Variants in DENND4A observed in about 807,000 individuals in gnomAD.
DENND4A encodes the protein C-myc promoter-binding protein.
In DENND4A, 70 loss-of-function variants were observed where a neutral mutation model predicts 199.3. The ratio of observed to expected loss-of-function variants is 0.35; its 90% CI spans 0.29 to 0.43. DENND4A has a LOEUF of 0.43. DENND4A is among the 20% of genes least tolerant of loss of function. The pLI, the probability that DENND4A is intolerant of heterozygous loss-of-function variation, is 1.00. For missense variants in DENND4A, 1,723 were observed against 2,255.8 expected, an observed-to-expected ratio of 0.76 and a Z score of 4.78; for synonymous variants, 686 against 766.9, an observed-to-expected ratio of 0.89 and a Z score of 1.74.
At chr15:65,780,777 T>C (rs570449072) in intron 1 of DENND4A, among the ~76,000 whole-genome samples, 1 of 152,342 alleles carries the variant, frequency 6.6e-6, no homozygotes, top group East Asian at 1.9e-4. Context: ...AAGGCATCAA[T>C]AACCCCATTT....
At chr15:65,680,060 A>G (rs2076519493) in intron 23 of DENND4A, among the ~76,000 whole-genome samples, 1 of 152,154 alleles carries the variant, frequency 6.6e-6, no homozygotes, top group Non-Finnish European at 1.5e-5. Flanking sequence ...GAGCTGGAGT[A>G]TTTCATTTTC....
chr15:65,711,705 T>C (rs2075256232), intron 14 of DENND4A, among the ~76,000 whole-genome samples: 1 of 152,248 alleles, frequency 6.6e-6, no homozygotes. Context: ...TCAAAACTCA[T>C]TAAACTTTGT....
rs1276474302 is a variant in DENND4A, at chr15:65,729,212, A to C, written c.1347T>G (p.Val449=). Residue 449 remains valine, a synonymous_variant, in exon 11 of 33, where the codon GTT becomes GTG. Coordinates refer to ENST00000443035, the MANE Select transcript of DENND4A (RefSeq NM_001320835.1). ...IFPFHWPCPY[V]PLCPLALADV... ...CTGCTAAAGCCAGTGGGCAGAGAGGAACATACGGGCATGGCCAGTGGAAAG... is the reference window on the plus strand; with the variant it reads ...CTGCTAAAGCCAGTGGGCAGAGAGGCACATACGGGCATGGCCAGTGGAAAG... 6.3e-7 allele frequency: 1 copy of C among 1,586,192 alleles called. No individual in the cohort carries two copies. The highest frequency in any genetic ancestry group is 1.2e-5 in the South Asian group (1 of 86,716).
At chr15:65,765,268 G>C (rs2076954082) in intron 1 of DENND4A, among the ~76,000 whole-genome samples, 1 of 152,098 alleles carries the variant, frequency 6.6e-6, no homozygotes, top group African/African-American at 2.4e-5. Flanking sequence ...AGAAAACCCG[G>C]AATAGAAAAT....
chr15:65,780,263 A>T (rs2140959153), intron 1 of DENND4A, among the ~76,000 whole-genome samples: 1 of 152,320 alleles, frequency 6.6e-6, no homozygotes, highest in African/African-American at 2.4e-5. Flanking sequence ...CGAATAAAAA[A>T]ATATAGTCTT....
intron 1 of DENND4A, among the ~76,000 whole-genome samples, chr15:65,779,366 G>A (rs2077374250): frequency 6.7e-6 from 1 of 149,706 alleles, no homozygotes; most frequent in African/African-American, 2.5e-5. Context: ...TGAGGCAGGA[G>A]AATCGCTTGA....
chr15:65,767,421 A>G (rs2077015570), intron 1 of DENND4A: 1 of 152,182 alleles, frequency 6.6e-6, no homozygotes, highest in African/African-American at 2.4e-5. Context: ...CAAATAGTAT[A>G]TGGTGAATAT....
rs184198896 is a variant in DENND4A at position 65,682,019 on chromosome 15, G to T, written c.4180-5385C>A. Among the ~76,000 whole-genome samples, 132 of 152,302 alleles carry T rather than the reference G, an allele frequency of 8.7e-4. 1 individual carries two copies. Among genetic ancestry groups the T allele is most frequent in the Non-Finnish European group, 1.5e-3 (102 of 68,034 alleles). On this transcript the variant is annotated intron_variant, in intron 23 of 32. Coordinates refer to ENST00000443035, the MANE Select transcript of DENND4A (RefSeq NM_001320835.1). ...TTGTAAACAGATGTGCTGTCATCCA[G>T]GTTTTTTGTTCCATTTACAGAGCAC...
intron 23 of DENND4A, among the ~76,000 whole-genome samples, chr15:65,677,648 G>C (rs2076427501): frequency 6.6e-6 from 1 of 151,936 alleles, no homozygotes; most frequent in Admixed American, 6.6e-5. Context: ...AATCCATCTA[G>C]GATTATTATT....
rs869058369 is a variant in DENND4A, at chr15:65,659,322, G to GTTTTTT, written c.*2523_*2528dup. On this transcript the variant is annotated 3_prime_UTR_variant, in exon 33 of 33. Transcript: ENST00000443035. ...TATTTTAAATGATTGATATTTTCTG[G>GTTTTTT]TTTTTTTTTTTTTTTTTTTTTTTTT... 6 of 71,592 alleles carry GTTTTTT rather than the reference G, an allele frequency of 8.4e-5. No homozygotes were observed. Among genetic ancestry groups the GTTTTTT allele is most frequent in the South Asian group, 1.0e-3 (2 of 2,006 alleles). 4.4% of individuals were successfully genotyped at this position (71,592 alleles called of 1,614,324 possible). A position where few individuals can be genotyped will look rare whatever the true frequency, so the allele number is the denominator to read the frequency against.
rs139298881 is a variant in DENND4A, at chr15:65,697,153, A to G, written c.2950+114T>C. On this transcript the variant is annotated intron_variant, in intron 21 of 32. Coordinates refer to ENST00000443035, the MANE Select transcript of DENND4A (RefSeq NM_001320835.1). ...GAGAGGGCACGTAATGGTAGAAAAGAAAGAGTTATAATGGAAAAATGGAAA... is the reference window on the plus strand; with the variant it reads ...GAGAGGGCACGTAATGGTAGAAAAGGAAGAGTTATAATGGAAAAATGGAAA... 5.2e-4 allele frequency: 341 copies of G among 654,594 alleles called. 2 individuals carry two copies. In the African/African-American group the frequency reaches 5.7e-3, roughly 11 times the overall value. The allele number at this position is 654,594 out of a possible 1,614,324, so 40.5% of individuals were successfully genotyped here. A position where few individuals can be genotyped will look rare whatever the true frequency, so the allele number is the denominator to read the frequency against.
chr15:65,787,231 AC>A (rs966030624), intron 1 of DENND4A, among the ~76,000 whole-genome samples: 1 of 152,196 alleles, frequency 6.6e-6, no homozygotes, highest in African/African-American at 2.4e-5. Flanking sequence ...TCATTTGAAA[AC>A]AAAAACAGCT....
chr15:65,682,196 C>G (rs1159713981), intron 23 of DENND4A, among the ~76,000 whole-genome samples: 2 of 152,184 alleles, frequency 1.3e-5, no homozygotes, highest in Non-Finnish European at 2.9e-5. Context: ...TCCTCTCTCT[C>G]CATCAAAGTC....
At chr15:65,687,841 TTA>T (rs1259397770) in intron 23 of DENND4A, among the ~76,000 whole-genome samples, 3 of 152,224 alleles carry the variant, frequency 2.0e-5, no homozygotes, top group Non-Finnish European at 2.9e-5. Flanking sequence ...TCTCTGATTT[TTA>T]GTTTACTTTT....
Position 65,691,476 on chromosome 15 carries a change from C to T in DENND4A, c.3118G>A (p.Glu1040Lys). 1 of 1,610,706 alleles carries T rather than the reference C, an allele frequency of 6.2e-7. No individual in the cohort carries two copies. Among genetic ancestry groups the T allele is most frequent in the Non-Finnish European group, 8.5e-7 (1 of 1,178,290 alleles). ...TPELLLISSLEDTNETRNIQS... is the reference protein window; with the variant it reads ...TPELLLISSLKDTNETRNIQS... ...ATGTTTCGTGTTTCATTTGTATCTT[C>T]AAGAGATGATATTAAGAGCAGCTCA... The change falls in exon 23 of 33, where the codon GAA (glutamate) becomes AAA (lysine). Residue 1040 changes from glutamate to lysine, a missense_variant. Coordinates refer to ENST00000443035, the MANE Select transcript of DENND4A (RefSeq NM_001320835.1).
intron 13 of DENND4A, 128 bp downstream of exon 13, chr15:65,717,650 A>T: frequency 1.2e-6 from 1 of 838,714 alleles, no homozygotes; most frequent in Non-Finnish European, 1.8e-6. Context: ...CAACAAAGCT[A>T]GTATTCAGAT....
chr15:65,781,250 A>G (rs997659430), intron 1 of DENND4A, among the ~76,000 whole-genome samples: 1 of 152,230 alleles, frequency 6.6e-6, no homozygotes, highest in East Asian at 1.9e-4. Context: ...AGTTAAGATT[A>G]GAGAACCAGG....
chr15:65,786,014 T>C (rs2077557896), intron 1 of DENND4A, among the ~76,000 whole-genome samples: 1 of 152,172 alleles, frequency 6.6e-6, no homozygotes, highest in South Asian at 2.1e-4. Context: ...ACAGAAATTG[T>C]TTGCAATATC....
intron 1 of DENND4A, among the ~76,000 whole-genome samples, chr15:65,766,991 T>C (rs529238499): frequency 6.6e-6 from 1 of 152,354 alleles, no homozygotes; most frequent in African/African-American, 2.4e-5. Context: ...AAGAACACAC[T>C]GGAAATAACA....
Sources: gnomAD v4.1 joint callset for allele counts (sites outside exome capture counted in the v4.1 genomes callset) on GRCh38, gnomAD v4.1.1 for gene constraint, MANE v1.5 for transcripts, NCBI Gene and HGNC (gene_info 2026-07-23, HGNC 2026-07-21) for gene names.